SGCZ: variants seen among roughly 807,000 people sequenced by gnomAD.
SGCZ encodes zeta-sarcoglycan.
A neutral mutation model predicts 41.3 loss-of-function variants in SGCZ; 40 were observed. The observed-to-expected ratio is 0.97, with a 90% CI of 0.75 to 1.26. The LOEUF (loss-of-function observed/expected upper bound fraction) is 1.26, where lower values mean the gene tolerates loss of function less well. Ranked by LOEUF, SGCZ falls within the 50% of genes most tolerant of loss-of-function variation. The pLI is 0.00. For synonymous variants in SGCZ, 206 were observed against 137.5 expected, an observed-to-expected ratio of 1.50 and a Z score of -3.49; for missense variants, 552 against 369.8, an observed-to-expected ratio of 1.49 and a Z score of -4.04.
At chr8:14,368,611 T>C (rs941489287) in intron 2 of SGCZ, among the ~76,000 whole-genome samples, 1 of 152,002 alleles carries the variant, frequency 6.6e-6, no homozygotes, top group African/African-American at 2.4e-5. Context: ...GAGCTTTGCA[T>C]TATAAGGCAG....
At chr8:14,130,433 C>G (rs765975445) in intron 5 of SGCZ, among the ~76,000 whole-genome samples, 4 of 152,076 alleles carry the variant, frequency 2.6e-5, no homozygotes, top group African/African-American at 7.2e-5. Context: ...CTTCCTTCCA[C>G]GATGTGAGCA....
chr8:14,095,985 A>G (rs1801833325), intron 7 of SGCZ, among the ~76,000 whole-genome samples: 1 of 152,200 alleles, frequency 6.6e-6, no homozygotes, highest in Non-Finnish European at 1.5e-5. Context: ...GTTGCTTATC[A>G]GCTTAAGGAG....
At chr8:14,376,935 T>G (rs950014845) in intron 2 of SGCZ, among the ~76,000 whole-genome samples, 1 of 152,224 alleles carries the variant, frequency 6.6e-6, no homozygotes, top group African/African-American at 2.4e-5. Flanking sequence ...ATTTAGTCTT[T>G]GTTCCTAGTT....
At chr8:14,688,251 A>G (rs970692281) in intron 1 of SGCZ, among the ~76,000 whole-genome samples, 42 of 152,214 alleles carry the variant, frequency 2.8e-4, no homozygotes, top group Non-Finnish European at 5.3e-4. Context: ...TTGGTGTTTT[A>G]GACATGAAGT....
At position 14,731,100 on chromosome 8, in the gene SGCZ, G is replaced by T. The variant is rs1219372763; in HGVS notation, c.40-176174C>A. Among the ~76,000 whole-genome samples, 4 of 151,798 alleles carry T rather than the reference G, an allele frequency of 2.6e-5. No homozygotes were observed. In the East Asian group the frequency reaches 7.7e-4, roughly 29 times the overall value. ...CACATGCACAAGTATGTTTATTGTGGCACTGTTCATAATAGCAAAAACATG... is the reference window on the plus strand; with the variant it reads ...CACATGCACAAGTATGTTTATTGTGTCACTGTTCATAATAGCAAAAACATG... On this transcript the variant is annotated intron_variant, in intron 1 of 7. Transcript: ENST00000382080.
intron 2 of SGCZ, among the ~76,000 whole-genome samples, chr8:14,412,258 T>A (rs931549871): frequency 1.3e-5 from 2 of 152,028 alleles, no homozygotes; most frequent in African/African-American, 4.8e-5. Context: ...TTGGAAAAAA[T>A]CAAACAATAT....
At chr8:15,045,613 G>A (rs549516749) in intron 1 of SGCZ, among the ~76,000 whole-genome samples, 3 of 152,164 alleles carry the variant, frequency 2.0e-5, no homozygotes, top group African/African-American at 7.2e-5. Context: ...TGCCAGCAAA[G>A]CACATTTGTT....
chr8:15,078,315 A>T (rs1805618335), intron 1 of SGCZ, among the ~76,000 whole-genome samples: 1 of 151,606 alleles, frequency 6.6e-6, no homozygotes, highest in African/African-American at 2.4e-5. Context: ...GATCTGCCTC[A>T]GTTGATGGTG....
intron 1 of SGCZ, among the ~76,000 whole-genome samples, chr8:15,111,346 G>A (rs968182273): frequency 1.3e-5 from 2 of 152,140 alleles, no homozygotes; most frequent in Non-Finnish European, 2.9e-5. Flanking sequence ...GATGAAGAGG[G>A]AAAGTGCCTC....
intron 2 of SGCZ, among the ~76,000 whole-genome samples, chr8:14,400,653 A>G (rs1485643685): frequency 6.6e-6 from 1 of 152,118 alleles, no homozygotes; most frequent in Non-Finnish European, 1.5e-5. Context: ...TGAACTTTGC[A>G]TGTCTTAAAT....
chr8:14,531,937 G>A (rs185227565), intron 2 of SGCZ, among the ~76,000 whole-genome samples: 2 of 151,984 alleles, frequency 1.3e-5, no homozygotes, highest in African/African-American at 4.8e-5. Flanking sequence ...TAATTTAATA[G>A]GATATCACAA....
chr8:14,465,791 C>T (rs1432597253), intron 2 of SGCZ, among the ~76,000 whole-genome samples: 2 of 151,688 alleles, frequency 1.3e-5, no homozygotes, highest in African/African-American at 4.8e-5. Flanking sequence ...CCTCTGTCTC[C>T]AATTATTTCA....
At chr8:14,169,977 C>T (rs1185145797) in intron 4 of SGCZ, among the ~76,000 whole-genome samples, 1 of 151,948 alleles carries the variant, frequency 6.6e-6, no homozygotes, top group African/African-American at 2.4e-5. Flanking sequence ...AACAAACTTT[C>T]CTATTACTTG....
At chr8:14,314,524 T>C (rs901932654) in intron 3 of SGCZ, among the ~76,000 whole-genome samples, 1 of 152,186 alleles carries the variant, frequency 6.6e-6, no homozygotes, top group African/African-American at 2.4e-5. Flanking sequence ...TGAATTGCCA[T>C]ATACAAGACA....
At chr8:14,982,073 C>G (rs1801680748) in intron 1 of SGCZ, among the ~76,000 whole-genome samples, 1 of 151,672 alleles carries the variant, frequency 6.6e-6, no homozygotes, top group African/African-American at 2.4e-5. Flanking sequence ...TCGCTTGAAC[C>G]CAGGAGGCGG....
At position 15,060,592 on chromosome 8, in the gene SGCZ, C is replaced by A. The variant is rs139067273; in HGVS notation, c.39+176993G>T. The stretch of plus-strand genomic sequence containing the variant: ...AATGTAAATGACGAGTTAATGGGTG[C>A]AGCACACCAACATGGCACATGTATA... On this transcript the variant is annotated intron_variant, in intron 1 of 7. Coordinates refer to ENST00000382080, the MANE Select transcript of SGCZ (RefSeq NM_139167.4). Among the ~76,000 whole-genome samples, 321 of 150,222 alleles carry A rather than the reference C, an allele frequency of 2.1e-3. 1 individual carries two copies. The highest frequency in any genetic ancestry group is 7.6e-3 in the African/African-American group (310 of 40,738).
At chr8:14,433,680 A>G (rs1800008341) in intron 2 of SGCZ, among the ~76,000 whole-genome samples, 1 of 152,212 alleles carries the variant, frequency 6.6e-6, no homozygotes. Context: ...GCCAATGCTC[A>G]CATAATTTTA....
chr8:14,441,458 C>G (rs1800262191), intron 2 of SGCZ, among the ~76,000 whole-genome samples: 1 of 152,232 alleles, frequency 6.6e-6, no homozygotes, highest in Admixed American at 6.5e-5. Flanking sequence ...ACGGGTAATC[C>G]CAACTACTCA....
chr8:14,325,716 G>GTA (rs1802071765), intron 2 of SGCZ, among the ~76,000 whole-genome samples: 2 of 85,358 alleles, frequency 2.3e-5, no homozygotes, highest in African/African-American at 4.2e-5. Context: ...ATACATATCT[G>GTA]TATACACACA....
Sources: allele counts gnomAD v4.1 joint callset (sites outside exome capture counted in the v4.1 genomes callset), GRCh38; gene constraint gnomAD v4.1.1; transcripts MANE v1.5; gene names NCBI Gene and HGNC (gene_info 2026-07-23, HGNC 2026-07-21).